SRGAP1: variants seen among roughly 807,000 people sequenced by gnomAD.
SRGAP1 encodes the protein SLIT-ROBO Rho GTPase activating protein 1, also known as SLIT-ROBO Rho GTPase-activating protein 1.
A neutral mutation model predicts 121.9 loss-of-function variants in SRGAP1; 43 were observed. The observed-to-expected ratio is 0.35, with a 90% CI of 0.28 to 0.46. SRGAP1 has a LOEUF of 0.46. Ranked by LOEUF, SRGAP1 falls within the 20% of genes least tolerant of loss-of-function variation. The probability of loss-of-function intolerance (pLI) is 1.00; values close to 1 mark genes in which losing one functional copy is unlikely to be tolerated. For missense variants in SRGAP1, 1,102 were observed against 1,350.9 expected (o/e 0.82, Z 2.89); for synonymous variants, 447 against 485.4 (o/e 0.92, Z 1.04).
chr12:63,967,044 A>G (rs944907316), intron 1 of SRGAP1, among the ~76,000 whole-genome samples: 4 of 152,212 alleles, frequency 2.6e-5, no homozygotes, highest in African/African-American at 9.7e-5. Flanking sequence ...GCATTTACTC[A>G]TACAGTACCC....
chr12:63,968,697 G>T (rs1565974679), intron 1 of SRGAP1, among the ~76,000 whole-genome samples: 1 of 152,212 alleles, frequency 6.6e-6, no homozygotes, highest in Non-Finnish European at 1.5e-5. Context: ...TGGGCAGAGT[G>T]TTGTGTCTTC....
At position 64,125,880 on chromosome 12, in the gene SRGAP1, T is replaced by C. The variant is rs1212324912; in HGVS notation, c.2225-97T>C. The C allele has an allele frequency of 2.4e-6, 3 of 1,248,676 alleles. No homozygotes were observed. In the African/African-American group the frequency reaches 4.5e-5, roughly 19 times the overall value. 77.3% of individuals were successfully genotyped at this position (1,248,676 alleles called of 1,614,324 possible). On this transcript the variant is annotated intron_variant, in intron 18 of 21. Coordinates refer to ENST00000355086, the MANE Select transcript of SRGAP1 (RefSeq NM_020762.4). ...CTGTTCAGTCTAGATATTAAAATGG[T>C]CTTGATCATTTGAAGCCTCATAGAG... is the stretch of plus-strand genomic sequence containing the variant.
intron 1 of SRGAP1, among the ~76,000 whole-genome samples, chr12:63,921,259 C>T (rs1476867043): frequency 2.6e-5 from 4 of 152,324 alleles, no homozygotes; most frequent in Non-Finnish European, 4.4e-5. Context: ...TGAGTGCTGT[C>T]GTAATCTCCT....
chr12:63,878,644 A>G (rs1443166440), intron 1 of SRGAP1: 1 of 152,226 alleles, frequency 6.6e-6, no homozygotes, highest in Non-Finnish European at 1.5e-5. Flanking sequence ...TAGGGATGAT[A>G]GGGAATGCCT....
chr12:64,036,389 C>T (rs1184499025), intron 4 of SRGAP1, among the ~76,000 whole-genome samples: 2 of 152,130 alleles, frequency 1.3e-5, no homozygotes, highest in Non-Finnish European at 2.9e-5. Context: ...TAGTCTGGCA[C>T]TTGCAGAAAT....
rs67727865 is a variant in SRGAP1 at position 64,035,045 on chromosome 12, G to GA, written c.490-7729dup. 8.5e-3 allele frequency among the ~76,000 whole-genome samples: 1,191 copies of GA among 140,584 alleles called. 16 individuals carry two copies. The highest frequency in any genetic ancestry group is 0.029 in the African/African-American group (1,100 of 37,416). The allele number at this position is 140,584 out of a possible 152,430, so 92.2% of individuals were successfully genotyped here. On this transcript the variant is annotated intron_variant, in intron 4 of 21. Transcript: ENST00000355086. ...CTTTCAGCCCTGATGCTGGGAACAAGAAAAAAAAAAAAAAAAGAAAAGAAA... is the reference window on the plus strand; with the variant it reads ...CTTTCAGCCCTGATGCTGGGAACAAGAAAAAAAAAAAAAAAAAGAAAAGAAA...
At chr12:64,088,735 A>C (rs2035992663) in intron 11 of SRGAP1, among the ~76,000 whole-genome samples, 1 of 152,156 alleles carries the variant, frequency 6.6e-6, no homozygotes, top group Admixed American at 6.5e-5. Context: ...TATTTACCGT[A>C]CTATAGAATC....
At chr12:63,909,585 T>C (rs893156470) in intron 1 of SRGAP1, among the ~76,000 whole-genome samples, 13 of 152,270 alleles carry the variant, frequency 8.5e-5, no homozygotes, top group Non-Finnish European at 2.9e-5. Flanking sequence ...TCCTGTCGTC[T>C]TTTTTGTACA....
chr12:64,147,249 GT>G lies in SRGAP1; in HGVS notation c.*4579del. 2.7e-6 allele frequency: 1 copy of G among 375,892 alleles called. No individual in the cohort carries two copies. Among genetic ancestry groups the G allele is most frequent in the East Asian group, 3.8e-5 (1 of 26,258 alleles). The allele number at this position is 375,892 out of a possible 1,614,324, so 23.3% of individuals were successfully genotyped here. On this transcript the variant is annotated 3_prime_UTR_variant, in exon 22 of 22. Transcript: ENST00000355086. ...TACCGGTAGCTTCCTGCTTGTGACT[GT>G]TACCTAATTGTGTCAATGTACATCT...
intron 1 of SRGAP1, among the ~76,000 whole-genome samples, chr12:63,918,754 G>A (rs368936244): frequency 1.3e-5 from 2 of 152,226 alleles, no homozygotes; most frequent in South Asian, 2.1e-4. Flanking sequence ...TAGGCCATTT[G>A]TTCATCCATT....
At chr12:63,937,707 G>T (rs898082260) in intron 1 of SRGAP1, among the ~76,000 whole-genome samples, 9 of 152,194 alleles carry the variant, frequency 5.9e-5, no homozygotes, top group African/African-American at 2.2e-4. Flanking sequence ...GCTTCTTAAT[G>T]AGACATGTAG....
intron 1 of SRGAP1, chr12:63,888,050 A>G (rs1482441341): frequency 1.3e-5 from 2 of 152,146 alleles, no homozygotes; most frequent in Non-Finnish European, 2.9e-5. Flanking sequence ...CCTCTTTTTT[A>G]GAAATGTTGG....
chr12:63,882,308 T>G (rs1391257139), intron 1 of SRGAP1, among the ~76,000 whole-genome samples: 1 of 152,068 alleles, frequency 6.6e-6, no homozygotes, highest in Non-Finnish European at 1.5e-5. Flanking sequence ...TGAGATGGAG[T>G]TTTGCTCTTG....
chr12:63,947,886 G>A (rs75773089), intron 1 of SRGAP1, among the ~76,000 whole-genome samples: 1,856 of 152,136 alleles, frequency 0.012, 9 homozygotes, highest in Non-Finnish European at 0.016. Context: ...TACATTTATC[G>A]TCTTTTACCA....
chr12:64,037,513 C>T (rs2034926879), intron 4 of SRGAP1, among the ~76,000 whole-genome samples: 1 of 152,232 alleles, frequency 6.6e-6, no homozygotes, highest in Non-Finnish European at 1.5e-5. Flanking sequence ...GTGGATTCAC[C>T]AACACCTATA....
chr12:64,058,578 T>A (rs1241258093), intron 6 of SRGAP1, among the ~76,000 whole-genome samples: 1 of 152,192 alleles, frequency 6.6e-6, no homozygotes, highest in Non-Finnish European at 1.5e-5. Context: ...TAATTTTATG[T>A]ATCTGTTCAG....
At chr12:64,135,414 G>C (rs757852907) in intron 21 of SRGAP1, among the ~76,000 whole-genome samples, 10 of 152,132 alleles carry the variant, frequency 6.6e-5, no homozygotes, top group Non-Finnish European at 1.3e-4. Context: ...TTGAGGTTCA[G>C]TATCTGCTTC....
chr12:63,920,356 T>C (rs901127141), intron 1 of SRGAP1, among the ~76,000 whole-genome samples: 1 of 152,114 alleles, frequency 6.6e-6, no homozygotes, highest in African/African-American at 2.4e-5. Flanking sequence ...AAACACAGGC[T>C]GAAATTATCC....
intron 1 of SRGAP1, among the ~76,000 whole-genome samples, chr12:63,847,476 A>G (rs1440274580): frequency 6.6e-6 from 1 of 152,160 alleles, no homozygotes; most frequent in Non-Finnish European, 1.5e-5. Context: ...AGTCTAGGCC[A>G]GGCACGGTGG....
Sources: gnomAD v4.1 joint callset for allele counts (sites outside exome capture counted in the v4.1 genomes callset) on GRCh38, gnomAD v4.1.1 for gene constraint, MANE v1.5 for transcripts, NCBI Gene and HGNC (gene_info 2026-07-23, HGNC 2026-07-21) for gene names.